EPHA3: variants seen among roughly 807,000 people sequenced by gnomAD.
The protein encoded by EPHA3 is ephrin type-A receptor 3.
In EPHA3, 42 loss-of-function variants were observed where a neutral mutation model predicts 107.1. That is an observed-to-expected ratio of 0.39 (90% CI 0.31 to 0.51). The LOEUF is 0.51. Among genes scored for constraint, EPHA3 ranks in the 20% least tolerant of loss-of-function variants. EPHA3 has a pLI of 0.78. For missense variants in EPHA3, 1,183 were observed against 1,211.2 expected, an observed-to-expected ratio of 0.98 and a Z score of 0.35; for synonymous variants, 461 against 424.8, an observed-to-expected ratio of 1.09 and a Z score of -1.05.
intron 3 of EPHA3, among the ~76,000 whole-genome samples, chr3:89,227,797 C>T (rs1449021897): frequency 1.3e-5 from 2 of 151,818 alleles, no homozygotes; most frequent in Non-Finnish European, 2.9e-5. Context: ...TTATTTTGGG[C>T]AGTTTATTTG....
chr3:89,122,333 G>T (rs1469114139), intron 1 of EPHA3, among the ~76,000 whole-genome samples: 1 of 152,076 alleles, frequency 6.6e-6, no homozygotes, highest in Non-Finnish European at 1.5e-5. Flanking sequence ...ATTTGTACTT[G>T]GCTATAAAAG....
At chr3:89,422,168 C>T (rs1576369899) in intron 11 of EPHA3, among the ~76,000 whole-genome samples, 1 of 148,340 alleles carries the variant, frequency 6.7e-6, no homozygotes, top group Admixed American at 6.8e-5. Flanking sequence ...AAACTCCTTA[C>T]AATAAAGTTG....
At chr3:89,444,783 C>T (rs1040305767) in intron 13 of EPHA3, among the ~76,000 whole-genome samples, 1 of 151,764 alleles carries the variant, frequency 6.6e-6, no homozygotes, top group Non-Finnish European at 1.5e-5. Flanking sequence ...TTCCTGTTTC[C>T]CTCAATGATG....
chr3:89,345,583 C>T (rs1435924607), intron 5 of EPHA3, among the ~76,000 whole-genome samples: 1 of 150,058 alleles, frequency 6.7e-6, no homozygotes, highest in Non-Finnish European at 1.5e-5. Flanking sequence ...ACCTTTTCCT[C>T]CTGAACACTT....
At chr3:89,473,287 A>G (rs1710443248) in intron 16 of EPHA3, among the ~76,000 whole-genome samples, 1 of 152,236 alleles carries the variant, frequency 6.6e-6, no homozygotes, top group Non-Finnish European at 1.5e-5. Context: ...TTAAAAACCA[A>G]TAATAATCAA....
chr3:89,192,365 G>A (rs1262844118), intron 2 of EPHA3, among the ~76,000 whole-genome samples: 1 of 152,002 alleles, frequency 6.6e-6, no homozygotes, highest in Admixed American at 6.6e-5. Context: ...CAGAGTTATA[G>A]GAGTAAAAGT....
At chr3:89,162,499 C>T (rs1267524340) in intron 2 of EPHA3, among the ~76,000 whole-genome samples, 1 of 152,200 alleles carries the variant, frequency 6.6e-6, no homozygotes, top group East Asian at 1.9e-4. Context: ...TCTCTTCCTT[C>T]CTCTCTTGCC....
At chr3:89,372,542 G>A (rs1708328328) in intron 5 of EPHA3, among the ~76,000 whole-genome samples, 1 of 151,588 alleles carries the variant, frequency 6.6e-6, no homozygotes, top group Admixed American at 6.6e-5. Flanking sequence ...ATCAGACTTG[G>A]CACTGTCTGG....
intron 1 of EPHA3, among the ~76,000 whole-genome samples, chr3:89,122,509 G>GT (rs1707413775): frequency 6.6e-6 from 1 of 152,148 alleles, no homozygotes; most frequent in Non-Finnish European, 1.5e-5. Context: ...GCCTATGGGT[G>GT]TATTATTAGG....
At chr3:89,196,275 C>T (rs1392794068) in intron 2 of EPHA3, among the ~76,000 whole-genome samples, 1 of 152,146 alleles carries the variant, frequency 6.6e-6, no homozygotes, top group African/African-American at 2.4e-5. Flanking sequence ...TCTTCCCCTC[C>T]TCTCAACATA....
rs1476655110 is a variant in EPHA3, at chr3:89,220,910, C to A, written c.814+10390C>A. Among the ~76,000 whole-genome samples the A allele has an allele frequency of 2.0e-5, 3 of 152,164 alleles. No individual in the cohort carries two copies. The East Asian group carries it at 5.8e-4, about 29-fold the overall frequency. ...TTCTTTCCTTTAGCATGTGACTGAG[C>A]TTGGCACTTCATTTAATCCTCTCAA... On this transcript the variant is annotated intron_variant, in intron 3 of 16. Coordinates refer to ENST00000336596, the MANE Select transcript of EPHA3 (RefSeq NM_005233.6).
rs1233786675 is a variant in EPHA3, at chr3:89,407,275, C to T, written c.1601C>T (p.Ser534Phe). The T allele has an allele frequency of 1.4e-5, 22 of 1,613,104 alleles. No homozygotes were observed. Among genetic ancestry groups the T allele is most frequent in the Non-Finnish European group, 1.9e-5 (22 of 1,179,286 alleles). Reference sequence around the variant, plus strand: ...TTTCTCTTCAACCTCACAGCTTTCTCCATCTCTGGTGAAAGTAGCCAAGTG... The same window carrying T: ...TTTCTCTTCAACCTCACAGCTTTCTTCATCTCTGGTGAAAGTAGCCAAGTG... ...FEFETSPDSF[S>F]ISGESSQVVM... Residue 534 changes from serine (S) to phenylalanine (F), a missense_variant, in exon 8 of 17, where the codon TCC becomes TTC. Ser to Phe is a radical substitution (Grantham distance 155). Coordinates refer to ENST00000336596, the MANE Select transcript of EPHA3 (RefSeq NM_005233.6).
chr3:89,396,382 G>C (rs1222642540), intron 6 of EPHA3, among the ~76,000 whole-genome samples: 2 of 151,986 alleles, frequency 1.3e-5, no homozygotes, highest in Non-Finnish European at 2.9e-5. Context: ...CATTGTGCTA[G>C]TAAGAAAAAT....
chr3:89,459,491 C>CTCCTTCCTTCCTTCCTTCCT (rs58738148), intron 15 of EPHA3, among the ~76,000 whole-genome samples: 14 of 126,306 alleles, frequency 1.1e-4, no homozygotes, highest in African/African-American at 4.5e-4. Context: ...CCTTCCTTCT[C>CTCCTTCCTTCCTTCCTTCCT]TCCTTCCTTC....
At position 89,240,362 on chromosome 3, in the gene EPHA3, C is replaced by A. The variant is rs142217712; in HGVS notation, c.814+29842C>A. Among the ~76,000 whole-genome samples the A allele has an allele frequency of 4.6e-5, 7 of 152,142 alleles. No individual in the cohort carries two copies. The East Asian group carries it at 1.4e-3, about 29-fold the overall frequency. ...TGCAATTAAGACTAGTAGAAAAATA[C>A]TTGACTGGTATTTTGCTATACATAT... On this transcript the variant is annotated intron_variant, in intron 3 of 16. Coordinates refer to ENST00000336596, the MANE Select transcript of EPHA3 (RefSeq NM_005233.6).
At chr3:89,374,430 TC>T (rs145430507) in intron 5 of EPHA3, among the ~76,000 whole-genome samples, 2,323 of 151,768 alleles carry the variant, frequency 0.015, 44 homozygotes, top group African/African-American at 0.053. Context: ...TTCCACCATC[TC>T]TCCACAGTCC....
rs1373505754 is a variant in EPHA3, at chr3:89,431,152, A to G, written c.2139A>G (p.Lys713=). 1.9e-6 allele frequency: 3 copies of G among 1,612,896 alleles called. No individual in the cohort carries two copies. The highest frequency in any genetic ancestry group is 2.7e-5 in the African/African-American group (2 of 74,812). ...TGTACATTTGAAATGCTTCCCAGAA[A>G]CACGATGCCCAGTTTACTGTCATTC... is the stretch of plus-strand genomic sequence containing the variant. ...ENGSLDSFLR[K]HDAQFTVIQL... Residue 713 remains lysine, a splice_region_variant and synonymous_variant, in exon 13 of 17, where the codon AAA becomes AAG. Coordinates refer to ENST00000336596, the MANE Select transcript of EPHA3 (RefSeq NM_005233.6).
chr3:89,165,118 T>C (rs1215151126), intron 2 of EPHA3, among the ~76,000 whole-genome samples: 1 of 152,206 alleles, frequency 6.6e-6, no homozygotes, highest in Non-Finnish European at 1.5e-5. Flanking sequence ...AGGAGACATT[T>C]TGTAAGTGAT....
At chr3:89,216,848 T>G (rs2107196164) in intron 3 of EPHA3, among the ~76,000 whole-genome samples, 1 of 152,272 alleles carries the variant, frequency 6.6e-6, no homozygotes, top group East Asian at 1.9e-4. Flanking sequence ...GATATTTCAT[T>G]AACTTTTCCA....
Sources: allele counts gnomAD v4.1 joint callset (sites outside exome capture counted in the v4.1 genomes callset), GRCh38; gene constraint gnomAD v4.1.1; transcripts MANE v1.5; gene names NCBI Gene and HGNC (gene_info 2026-07-23, HGNC 2026-07-21).